The following ZNF518B variants were observed in gnomAD, a reference collection of about 807,000 sequenced individuals.
The protein encoded by ZNF518B is zinc finger protein 518B.
Under a neutral mutation model 56.3 loss-of-function variants are expected in ZNF518B, and 23 were observed. That is an observed-to-expected ratio of 0.41 (90% CI 0.29 to 0.58). The LOEUF (loss-of-function observed/expected upper bound fraction) is 0.58, where lower values mean the gene tolerates loss of function less well. Ranked by LOEUF, ZNF518B falls within the 20% of genes least tolerant of loss-of-function variation. The pLI is 0.32. For synonymous variants in ZNF518B, 529 were observed against 465.9 expected (o/e 1.14, Z -1.74); for missense variants, 1,460 against 1,272.1 (o/e 1.15, Z -2.25).
Position 10,439,996 on chromosome 4 carries a change from G to C in ZNF518B, c.*3108C>G, listed in dbSNP as rs1714599286. The C allele has an allele frequency of 6.6e-6, 1 of 152,508 alleles. No individual in the cohort carries two copies. Among genetic ancestry groups the C allele is most frequent in the Admixed American group, 6.5e-5 (1 of 15,274 alleles). 9.4% of individuals were successfully genotyped at this position (152,508 alleles called of 1,614,324 possible). ...GCAGACACACAAACTGTTAACACAGGAATTACAATAATGCTTAAAACATGT... is the reference window on the plus strand; with the variant it reads ...GCAGACACACAAACTGTTAACACAGCAATTACAATAATGCTTAAAACATGT... On this transcript the variant is annotated 3_prime_UTR_variant, in exon 3 of 3. Coordinates refer to ENST00000326756, the MANE Select transcript of ZNF518B (RefSeq NM_053042.3).
At position 10,445,137 on chromosome 4, in the gene ZNF518B, G is replaced by C. The variant is rs1007405223; in HGVS notation, c.1192C>G (p.Leu398Val). The change falls in exon 3 of 3, where the codon CTT becomes GTT. Residue 398 changes from leucine to valine, a missense_variant. Transcript: ENST00000326756. ...EKGSNEQEKV[L>V]SAEKTKSLTV... ...AGTGACTTTGTTTTTTCTGCAGAAA[G>C]TACTTTTTCTTGTTCATTTGAACCC... 6.2e-7 allele frequency: 1 copy of C among 1,614,166 alleles called. No homozygotes were observed. Among genetic ancestry groups the C allele is most frequent in the Non-Finnish European group, 8.5e-7 (1 of 1,180,016 alleles).
intron 1 of ZNF518B, among the ~76,000 whole-genome samples, chr4:10,456,772 C>T (rs1386001763): frequency 6.6e-6 from 1 of 152,228 alleles, no homozygotes; most frequent in Non-Finnish European, 1.5e-5. Context: ...ACCGTCAACG[C>T]TCAGCTCCGA....
rs149145926 is a variant in ZNF518B at position 10,446,240 on chromosome 4, T to C, written c.89A>G (p.Asn30Ser). 1.2e-6 allele frequency: 2 copies of C among 1,614,236 alleles called. No homozygotes were observed. The highest frequency in any genetic ancestry group is 1.7e-6 in the Non-Finnish European group (2 of 1,180,044). The change falls in exon 3 of 3, where the codon AAT (asparagine) becomes AGT (serine). Residue 30 changes from asparagine (N) to serine (S), a missense_variant. Asn to Ser is a conservative substitution (Grantham distance 46). Coordinates refer to ENST00000326756, the MANE Select transcript of ZNF518B (RefSeq NM_053042.3). ...TTGTCTATTTGGCCGAGGTGCTCCA[T>C]TAGCATCAGGCTGTTTGGGTGACAT... ...LTMSPKQPDANGAPRPNRQEA... is the reference protein window; with the variant it reads ...LTMSPKQPDASGAPRPNRQEA...
intron 2 of ZNF518B, among the ~76,000 whole-genome samples, chr4:10,450,561 T>A (rs1715259617): frequency 6.7e-6 from 1 of 149,608 alleles, no homozygotes. Context: ...GGCATATCTG[T>A]GTAAAAGCCT....
intron 1 of ZNF518B, among the ~76,000 whole-genome samples, chr4:10,455,722 A>C (rs1266868157): frequency 6.6e-6 from 1 of 152,218 alleles, no homozygotes; most frequent in Non-Finnish European, 1.5e-5. Flanking sequence ...TGCTCTTTTC[A>C]AATTGCATTT....
chr4:10,458,620 G>A (rs1253666079), upstream of ZNF518B, among the ~76,000 whole-genome samples: 4 of 152,252 alleles, frequency 2.6e-5, no homozygotes, highest in Non-Finnish European at 5.9e-5. Context: ...CCTCGGTCCT[G>A]ATCAGGGAGC....
intron 2 of ZNF518B, among the ~76,000 whole-genome samples, chr4:10,447,034 A>G (rs573503728): frequency 2.6e-5 from 4 of 152,244 alleles, no homozygotes; most frequent in Non-Finnish European, 5.9e-5. Context: ...TCTCTCACTT[A>G]CATGCTTAAT....
At chr4:10,447,928 C>T (rs965598266) in intron 2 of ZNF518B, among the ~76,000 whole-genome samples, 1 of 152,114 alleles carries the variant, frequency 6.6e-6, no homozygotes, top group African/African-American at 2.4e-5. Flanking sequence ...GGATTACAGG[C>T]GTGAGCCACC....
chr4:10,444,545 C>A lies in ZNF518B; in HGVS notation c.1784G>T (p.Ser595Ile). 1 of 1,614,142 alleles carries A rather than the reference C, an allele frequency of 6.2e-7. No individual in the cohort carries two copies. The highest frequency in any genetic ancestry group is 1.3e-5 in the African/African-American group (1 of 75,040). The change falls in exon 3 of 3, where the codon AGT becomes ATT. Residue 595 changes from serine (S) to isoleucine (I), a missense_variant. Coordinates refer to ENST00000326756, the MANE Select transcript of ZNF518B (RefSeq NM_053042.3). ...TVGQISSQHK[S>I]EYLHINITGE... ...AGTTATGTTTATATGTAAATACTCA[C>A]TCTTATGTTGAGAGGAAATCTGGCC...
Position 10,440,150 on chromosome 4 carries a change from G to C in ZNF518B, c.*2954C>G, listed in dbSNP as rs572252873. 4 of 152,338 alleles carry C rather than the reference G, an allele frequency of 2.6e-5. No homozygotes were observed. Among genetic ancestry groups the C allele is most frequent in the African/African-American group, 9.7e-5 (4 of 41,426 alleles). 9.4% of individuals were successfully genotyped at this position (152,338 alleles called of 1,614,324 possible). A position where few individuals can be genotyped will look rare whatever the true frequency, so the allele number is the denominator to read the frequency against. ...AACATGTCCTAAAGAAAAAGGGATG[G>C]AGCTTGTGAGAAAATATATTTTGTT... On this transcript the variant is annotated 3_prime_UTR_variant, in exon 3 of 3. Transcript: ENST00000326756.
Position 10,443,027 on chromosome 4 carries a change from T to C in ZNF518B, c.*77A>G. ...CTCTCATTTCTACAGTCTGTATTTCTTCTACTGAATCTTGGTGGAGGGACT... is the reference window on the plus strand; with the variant it reads ...CTCTCATTTCTACAGTCTGTATTTCCTCTACTGAATCTTGGTGGAGGGACT... On this transcript the variant is annotated 3_prime_UTR_variant, in exon 3 of 3. Coordinates refer to ENST00000326756, the MANE Select transcript of ZNF518B (RefSeq NM_053042.3). 7.8e-7 allele frequency: 1 copy of C among 1,288,254 alleles called. No individual in the cohort carries two copies. Among genetic ancestry groups the C allele is most frequent in the Non-Finnish European group, 1.1e-6 (1 of 934,882 alleles). The allele number at this position is 1,288,254 out of a possible 1,614,324, so 79.8% of individuals were successfully genotyped here. A position where few individuals can be genotyped will look rare whatever the true frequency, so the allele number is the denominator to read the frequency against.
chr4:10,458,019 G>A (rs1715623149), upstream of ZNF518B, among the ~76,000 whole-genome samples: 1 of 152,164 alleles, frequency 6.6e-6, no homozygotes, highest in South Asian at 2.1e-4. Context: ...GGTCAGAGGG[G>A]ACAATGACTG....
chr4:10,445,408 C>A lies in ZNF518B; in HGVS notation c.921G>T (p.Glu307Asp). 1 of 1,614,206 alleles carries A rather than the reference C, an allele frequency of 6.2e-7. No individual in the cohort carries two copies. The highest frequency in any genetic ancestry group is 1.1e-5 in the South Asian group (1 of 91,086). Residue 307 changes from glutamate (E) to aspartate (D), a missense_variant, in exon 3 of 3, where the codon GAG becomes GAT. Physicochemically the swap from Glu to Asp is conservative, Grantham distance 45 (BLOSUM62 2). Transcript: ENST00000326756. Reference protein sequence around the residue: ...LSEPNEVNLFENKNVEVEVLS... With the variant: ...LSEPNEVNLFDNKNVEVEVLS... ...ACACTTCTACTTCAACATTTTTGTT[C>A]TCAAATAGGTTGACTTCATTTGGCT...
At chr4:10,450,811 G>A (rs1715270481) in intron 2 of ZNF518B, 3 of 152,196 alleles carry the variant, frequency 2.0e-5, no homozygotes, top group Admixed American at 6.5e-5. Flanking sequence ...TGTTGCAAAA[G>A]CCTCTGCATT....
rs1173983628 is a variant in ZNF518B, at chr4:10,440,017, CAT to C, written c.*3085_*3086del. The C allele has an allele frequency of 6.6e-6, 1 of 152,642 alleles. No homozygotes were observed. Among genetic ancestry groups the C allele is most frequent in the Non-Finnish European group, 1.5e-5 (1 of 68,044 alleles). The allele number at this position is 152,642 out of a possible 1,614,324, so 9.5% of individuals were successfully genotyped here. A position where few individuals can be genotyped will look rare whatever the true frequency, so the allele number is the denominator to read the frequency against. ...ACAGGAATTACAATAATGCTTAAAA[CAT>C]GTTACACAATGTTTTGTTTCTGCTC... On this transcript the variant is annotated 3_prime_UTR_variant, in exon 3 of 3. Transcript: ENST00000326756.
intron 2 of ZNF518B, among the ~76,000 whole-genome samples, chr4:10,449,510 C>A (rs912887437): frequency 6.6e-6 from 1 of 152,180 alleles, no homozygotes; most frequent in East Asian, 1.9e-4. Context: ...CAACAATTTA[C>A]CCTTAAATGA....
At chr4:10,455,486 GTGAA>G (rs1201937689) in intron 1 of ZNF518B, among the ~76,000 whole-genome samples, 1 of 152,182 alleles carries the variant, frequency 6.6e-6, no homozygotes, top group Non-Finnish European at 1.5e-5. Flanking sequence ...GAAAGAATGA[GTGAA>G]TGAATGAATG....
chr4:10,458,710 G>A (rs1715647214), upstream of ZNF518B, among the ~76,000 whole-genome samples: 1 of 152,152 alleles, frequency 6.6e-6, no homozygotes, highest in East Asian at 1.9e-4. Context: ...TTTATGTGCA[G>A]ATAGCACCTA....
Position 10,444,662 on chromosome 4 carries a change from G to T in ZNF518B, c.1667C>A (p.Thr556Lys). 6.2e-7 allele frequency: 1 copy of T among 1,614,132 alleles called. No homozygotes were observed. Among genetic ancestry groups the T allele is most frequent in the South Asian group, 1.1e-5 (1 of 91,078 alleles). ...LPVSENDLES[T>K]SKVNIPVKVV... is the part of the protein sequence containing the mutation. Reference sequence around the variant, plus strand: ...TTTTACAGGAATATTGACTTTACTTGTAGATTCCAAGTCATTTTCACTTAC... The same window carrying T: ...TTTTACAGGAATATTGACTTTACTTTTAGATTCCAAGTCATTTTCACTTAC... Residue 556 changes from threonine (T) to lysine (K), a missense_variant, in exon 3 of 3, where the codon ACA (threonine) becomes AAA (lysine). Thr to Lys is a moderately conservative substitution (Grantham distance 78). Coordinates refer to ENST00000326756, the MANE Select transcript of ZNF518B (RefSeq NM_053042.3).
Sources: allele counts gnomAD v4.1 joint callset (sites outside exome capture counted in the v4.1 genomes callset), GRCh38; gene constraint gnomAD v4.1.1; transcripts MANE v1.5; gene names NCBI Gene and HGNC (gene_info 2026-07-23, HGNC 2026-07-21).